The following SLC44A1 variants were observed in gnomAD, a reference collection of about 807,000 sequenced individuals.
The protein encoded by SLC44A1 is solute carrier family 44 member 1, also known as choline transporter-like protein 1.
In SLC44A1, 26 loss-of-function variants were observed where a neutral mutation model predicts 79.3. The observed-to-expected ratio is 0.33, with a 90% confidence interval of 0.24 to 0.46. SLC44A1 has a LOEUF of 0.46. SLC44A1 is among the 20% of genes least tolerant of loss of function. The pLI is 1.00. For missense variants in SLC44A1, 688 were observed against 798.1 expected, an observed-to-expected ratio of 0.86 and a Z score of 1.66; for synonymous variants, 263 against 286.2, an observed-to-expected ratio of 0.92 and a Z score of 0.82.
intron 15 of SLC44A1, among the ~76,000 whole-genome samples, chr9:105,424,069 C>T (rs765995057): frequency 3.3e-5 from 5 of 152,090 alleles, no homozygotes; most frequent in Non-Finnish European, 5.9e-5. Context: ...CAGTATTGTA[C>T]TTTATGGATG....
chr9:105,271,321 C>A (rs577384996), intron 1 of SLC44A1, among the ~76,000 whole-genome samples: 3 of 152,310 alleles, frequency 2.0e-5, no homozygotes, highest in African/African-American at 7.2e-5. Context: ...TCTTATTGCT[C>A]CTCTGGTACA....
At chr9:105,323,422 G>A (rs1050779750) in intron 3 of SLC44A1, among the ~76,000 whole-genome samples, 1 of 152,106 alleles carries the variant, frequency 6.6e-6, no homozygotes, top group African/African-American at 2.4e-5. Context: ...AGGTTACACT[G>A]TTGAAAATAA....
chr9:105,261,926 C>A (rs1188893154), intron 1 of SLC44A1, among the ~76,000 whole-genome samples: 1 of 151,850 alleles, frequency 6.6e-6, no homozygotes, highest in Non-Finnish European at 1.5e-5. Flanking sequence ...ACTACAGGCG[C>A]CCGCCACCAT....
intron 15 of SLC44A1, among the ~76,000 whole-genome samples, chr9:105,426,521 C>T (rs1829324850): frequency 6.6e-6 from 1 of 152,128 alleles, no homozygotes; most frequent in South Asian, 2.1e-4. Flanking sequence ...ATATCAATTG[C>T]TATTTCTTGA....
At chr9:105,306,584 C>G (rs1831038858) in intron 2 of SLC44A1, among the ~76,000 whole-genome samples, 1 of 122,078 alleles carries the variant, frequency 8.2e-6, no homozygotes, top group Non-Finnish European at 1.6e-5. Context: ...TTCCCACCCT[C>G]TCTAATGCTT....
chr9:105,321,956 T>C (rs987738931), intron 3 of SLC44A1, among the ~76,000 whole-genome samples: 4 of 152,194 alleles, frequency 2.6e-5, no homozygotes, highest in Non-Finnish European at 5.9e-5. Context: ...TGAACTTGAT[T>C]GATAGTATAA....
chr9:105,336,134 A>ATGTGTGTGTGTGTG (rs35324360), intron 4 of SLC44A1, among the ~76,000 whole-genome samples: 46 of 145,072 alleles, frequency 3.2e-4, no homozygotes, highest in African/African-American at 1.0e-3. Flanking sequence ...GTGTGTGTGC[A>ATGTGTGTGTGTGTG]TGTGTGTGTG....
At chr9:105,261,187 C>G (rs1368886303) in intron 1 of SLC44A1, among the ~76,000 whole-genome samples, 1 of 152,048 alleles carries the variant, frequency 6.6e-6, no homozygotes, top group African/African-American at 2.4e-5. Flanking sequence ...TAATATTAAC[C>G]AATCAGGAAA....
intron 1 of SLC44A1, among the ~76,000 whole-genome samples, chr9:105,247,135 A>G (rs1371731789): frequency 1.3e-5 from 2 of 148,486 alleles, no homozygotes; most frequent in Non-Finnish European, 3.0e-5. Flanking sequence ...ATCCTTCTTC[A>G]TTTGTGAAAT....
intron 1 of SLC44A1, among the ~76,000 whole-genome samples, chr9:105,291,109 C>T (rs1029666848): frequency 3.3e-5 from 5 of 152,196 alleles, no homozygotes; most frequent in African/African-American, 1.2e-4. Flanking sequence ...GCTAGAGCCT[C>T]CATAGTTTAT....
At chr9:105,300,123 G>A (rs985101625) in intron 2 of SLC44A1, among the ~76,000 whole-genome samples, 5 of 152,094 alleles carry the variant, frequency 3.3e-5, no homozygotes, top group Non-Finnish European at 5.9e-5. Flanking sequence ...CTAGTCCATC[G>A]CCCTTATTTT....
intron 15 of SLC44A1, among the ~76,000 whole-genome samples, chr9:105,405,823 G>A (rs1480885824): frequency 6.6e-6 from 1 of 152,142 alleles, no homozygotes; most frequent in Non-Finnish European, 1.5e-5. Context: ...AACCTGTGGT[G>A]AAGAATAACA....
intron 7 of SLC44A1, among the ~76,000 whole-genome samples, chr9:105,360,389 C>T (rs1488497518): frequency 3.3e-5 from 5 of 152,058 alleles, no homozygotes; most frequent in Non-Finnish European, 7.4e-5. Context: ...TCCTTGTTTT[C>T]TTATTTTTTT....
intron 4 of SLC44A1, among the ~76,000 whole-genome samples, chr9:105,345,013 G>T (rs1363937839): frequency 2.0e-5 from 3 of 152,174 alleles, no homozygotes; most frequent in African/African-American, 7.2e-5. Flanking sequence ...AGCATTGATT[G>T]TATGTTGTTT....
At position 105,406,717 on chromosome 9, in the gene SLC44A1, G is replaced by A. The variant is rs371829732; in HGVS notation, c.1950+21215G>A. Among the ~76,000 whole-genome samples the A allele has an allele frequency of 3.9e-5, 6 of 152,262 alleles. No homozygotes were observed. The East Asian group carries it at 5.8e-4, about 15-fold the overall frequency. Reference sequence around the variant, plus strand: ...AGATTGAGCCACTGCACTCCAGCCCGGGTGACAGAGCAAGACTTCATCTCT... The same window carrying A: ...AGATTGAGCCACTGCACTCCAGCCCAGGTGACAGAGCAAGACTTCATCTCT... On this transcript the variant is annotated intron_variant, in intron 15 of 15. Coordinates refer to the SLC44A1 transcript ENST00000374724.
At chr9:105,271,831 C>T (rs1159659406) in intron 1 of SLC44A1, among the ~76,000 whole-genome samples, 2 of 152,158 alleles carry the variant, frequency 1.3e-5, no homozygotes, top group Non-Finnish European at 2.9e-5. Context: ...CCAGGCTGGT[C>T]TCAAACTCCT....
intron 1 of SLC44A1, among the ~76,000 whole-genome samples, chr9:105,279,925 A>G (rs327948): frequency 0.24 from 36,751 of 152,196 alleles, 8,428 homozygotes; most frequent in African/African-American, 0.61. Context: ...AACATGTAGC[A>G]TAAAAAAATC....
chr9:105,379,166 C>T (rs1325144393), intron 13 of SLC44A1, among the ~76,000 whole-genome samples: 1 of 152,108 alleles, frequency 6.6e-6, no homozygotes, highest in Non-Finnish European at 1.5e-5. Context: ...TTCCCAGCTA[C>T]TCGGGAGGCT....
chr9:105,362,053 CGTGTGTGTGCGCGCGCGCGCGTGTGT>C (rs1372737419), intron 8 of SLC44A1, among the ~76,000 whole-genome samples: 1 of 151,116 alleles, frequency 6.6e-6, no homozygotes, highest in African/African-American at 2.4e-5. Flanking sequence ...TTTGTGTGTG[CGTGTGTGTGCGCGCGCGCGCGTGTGT>C]GTGTGTGTGT....
Sources: allele counts gnomAD v4.1 joint callset (sites outside exome capture counted in the v4.1 genomes callset), GRCh38; gene constraint gnomAD v4.1.1; transcripts MANE v1.5; gene names NCBI Gene and HGNC (gene_info 2026-07-23, HGNC 2026-07-21).